SASH1: variants seen among roughly 807,000 people sequenced by gnomAD.
The protein encoded by SASH1 is SAM and SH3 domain containing 1, also known as SAM and SH3 domain-containing protein 1.
SASH1 carries 44 observed loss-of-function variants against 125.2 expected under a neutral mutation model. That is an observed-to-expected ratio of 0.35 (90% confidence interval 0.28 to 0.45). The LOEUF is 0.45. Among genes scored for constraint, SASH1 ranks in the 20% least tolerant of loss-of-function variants. SASH1 has a pLI of 1.00. For missense variants in SASH1, 1,426 were observed against 1,614.5 expected, an observed-to-expected ratio of 0.88 and a Z score of 2.00; for synonymous variants, 639 against 649.1, an observed-to-expected ratio of 0.98 and a Z score of 0.24.
At chr6:148,513,449 G>A in intron 8 of SASH1, 1 of 985,464 alleles carries the variant, frequency 1.0e-6, no homozygotes, top group African/African-American at 1.7e-5. Flanking sequence ...ATACAACAGA[G>A]GAAGCTGCAT....
At chr6:148,526,535 G>A (rs1781169327) in intron 11 of SASH1, among the ~76,000 whole-genome samples, 1 of 152,104 alleles carries the variant, frequency 6.6e-6, no homozygotes, top group South Asian at 2.1e-4. Flanking sequence ...ATTTTATTTG[G>A]CTATCGAATT....
intron 2 of SASH1, among the ~76,000 whole-genome samples, chr6:148,401,764 G>A (rs977904245): frequency 5.3e-5 from 8 of 151,704 alleles, no homozygotes; most frequent in Middle Eastern, 3.4e-3. Flanking sequence ...ATGAATATTC[G>A]TGAACATCTG....
At chr6:148,390,681 G>A (rs552726666) in intron 2 of SASH1, among the ~76,000 whole-genome samples, 93 of 152,048 alleles carry the variant, frequency 6.1e-4, no homozygotes, top group African/African-American at 2.0e-3. Context: ...CCAGCTACTC[G>A]GGAGGCTGAG....
At chr6:148,390,503 T>C (rs1783657834) in intron 2 of SASH1, among the ~76,000 whole-genome samples, 1 of 152,126 alleles carries the variant, frequency 6.6e-6, no homozygotes, top group Non-Finnish European at 1.5e-5. Context: ...AAGAACAGAT[T>C]TGGCCGGGCG....
chr6:148,263,580 A>G, the SASH1 span, among the ~76,000 whole-genome samples: 2 of 152,184 alleles, frequency 1.3e-5, no homozygotes, highest in Non-Finnish European at 2.9e-5. Context: ...TCTCATTAAA[A>G]CTGATGACTC....
At chr6:148,314,839 C>G (rs914005926) in intron 1 of SASH1, among the ~76,000 whole-genome samples, 31 of 151,014 alleles carry the variant, frequency 2.1e-4, no homozygotes, top group African/African-American at 6.3e-4. Flanking sequence ...TCACTGCAAC[C>G]TCTGCCTCCT....
At chr6:148,541,532 A>C (rs1303428499) in intron 17 of SASH1, among the ~76,000 whole-genome samples, 4 of 151,990 alleles carry the variant, frequency 2.6e-5, no homozygotes, top group Non-Finnish European at 1.5e-5. Flanking sequence ...GCTTGTGTAC[A>C]TGCATGTGTG....
chr6:148,512,644 G>A, intron 8 of SASH1: 1 of 983,696 alleles, frequency 1.0e-6, no homozygotes, highest in East Asian at 1.1e-4. Context: ...TATATTTTTA[G>A]TTTTAAGCCT....
At position 148,550,054 on chromosome 6, in the gene SASH1, GT is replaced by G. The variant is rs1455001346; in HGVS notation, c.*1497del. 6.6e-6 allele frequency: 1 copy of G among 152,216 alleles called. No individual in the cohort carries two copies. The highest frequency in any genetic ancestry group is 2.4e-5 in the African/African-American group (1 of 41,406). The allele number at this position is 152,216 out of a possible 1,614,324, so 9.4% of individuals were successfully genotyped here. ...CAAACTCAACTCCTGACCTCAGGTG[GT>G]CCACCCGCCTCAGCCTCCCAAAGTG... On this transcript the variant is annotated 3_prime_UTR_variant, in exon 20 of 20. Coordinates refer to ENST00000367467, the MANE Select transcript of SASH1 (RefSeq NM_015278.5).
At position 148,533,934 on chromosome 6, in the gene SASH1, C is replaced by T. The variant is rs1184247756; in HGVS notation, c.1898C>T (p.Pro633Leu). ...AGGAGGCGTCGGAAAGGACGACCAC[C>T]CCAGCCCAAGTCTGTGGAGGATCTC... ...PTRRRRKGRPPQPKSVEDLLD... is the reference protein window; with the variant it reads ...PTRRRRKGRPLQPKSVEDLLD... Residue 633 changes from proline (P) to leucine (L), a missense_variant, in exon 15 of 20, where the codon CCC becomes CTC. Coordinates refer to ENST00000367467, the MANE Select transcript of SASH1 (RefSeq NM_015278.5). The surrounding 1 kb of genome is among the most constrained non-coding windows in gnomAD (Gnocchi z 6.2). 3.1e-6 allele frequency: 5 copies of T among 1,613,962 alleles called. No homozygotes were observed. Among genetic ancestry groups the T allele is most frequent in the Middle Eastern group, 1.7e-4 (1 of 6,056 alleles).
At chr6:148,449,078 C>CATTTCTTTTTCTTTTTTTTTTTT (rs763181287) in intron 4 of SASH1, among the ~76,000 whole-genome samples, 1 of 88,736 alleles carries the variant, frequency 1.1e-5, no homozygotes, top group African/African-American at 4.3e-5. Flanking sequence ...CATTTCATTT[C>CATTTCTTTTTCTTTTTTTTTTTT]TTTTTTTTTT....
chr6:148,389,656 G>T (rs1395762305), intron 1 of SASH1, among the ~76,000 whole-genome samples: 1 of 152,188 alleles, frequency 6.6e-6, no homozygotes, highest in Admixed American at 6.5e-5. Flanking sequence ...CCTGGGAGGG[G>T]TCCTGACATC....
At chr6:148,471,271 A>G in intron 5 of SASH1, 146 bp from the exon 6 acceptor site, 1 of 606,890 alleles carries the variant, frequency 1.6e-6, no homozygotes, top group Non-Finnish European at 2.9e-6. Context: ...TTCTTTCACT[A>G]ACTGAAAGAA....
intron 2 of SASH1, among the ~76,000 whole-genome samples, chr6:148,413,936 C>T (rs1263519946): frequency 6.6e-6 from 1 of 151,998 alleles, no homozygotes; most frequent in African/African-American, 2.4e-5. Flanking sequence ...ATCACTCCTC[C>T]CTTTTATGAA....
chr6:148,322,535 GTTTCTACTCCTTCC>G (rs1245503476), intron 1 of SASH1, among the ~76,000 whole-genome samples: 5 of 152,078 alleles, frequency 3.3e-5, no homozygotes, highest in Non-Finnish European at 5.9e-5. Context: ...TTGCAATCCA[GTTTCTACTCCTTCC>G]CCTGACCCTG....
intron 7 of SASH1, among the ~76,000 whole-genome samples, chr6:148,475,019 C>G (rs908667256): frequency 1.3e-5 from 2 of 152,098 alleles, no homozygotes; most frequent in African/African-American, 2.4e-5. Flanking sequence ...TTAAGTTAGG[C>G]ACTACAAGAA....
At chr6:148,274,621 C>T (rs978569652) in intron 1 of SASH1, among the ~76,000 whole-genome samples, 1 of 152,140 alleles carries the variant, frequency 6.6e-6, no homozygotes, top group East Asian at 1.9e-4. Flanking sequence ...TCGTTCCTGT[C>T]CTAAAGAGAC....
chr6:148,446,789 T>A (rs2115024917), intron 4 of SASH1, among the ~76,000 whole-genome samples: 1 of 152,236 alleles, frequency 6.6e-6, no homozygotes. Flanking sequence ...TGACAAATGG[T>A]ATGATTCCCA....
intron 19 of SASH1, among the ~76,000 whole-genome samples, chr6:148,547,737 G>T (rs1038078649): frequency 2.0e-5 from 3 of 152,240 alleles, no homozygotes; most frequent in African/African-American, 7.2e-5. Context: ...TTTCTGAAAG[G>T]TGCAGGCCCT....
Sources: gnomAD v4.1 joint callset for allele counts (sites outside exome capture counted in the v4.1 genomes callset) on GRCh38, gnomAD v4.1.1 for gene constraint, Gnocchi (gnomAD v3.1) non-coding constraint, MANE v1.5 for transcripts, NCBI Gene and HGNC (gene_info 2026-07-23, HGNC 2026-07-21) for gene names.